The following TARM1 variants were observed in gnomAD, a reference collection of about 807,000 sequenced individuals.
TARM1 encodes the protein T cell-interacting, activating receptor on myeloid cells 1, also known as T-cell-interacting, activating receptor on myeloid cells protein 1.
Under a neutral mutation model 30.4 loss-of-function variants are expected in TARM1, and 24 were observed. That is an observed-to-expected ratio of 0.79 (90% confidence interval 0.57 to 1.11). The LOEUF (loss-of-function observed/expected upper bound fraction) is 1.11, where lower values mean the gene tolerates loss of function less well. Among genes scored for constraint, TARM1 ranks in the 50% least tolerant of loss-of-function variants. The pLI is 0.00. For synonymous variants in TARM1, 129 were observed against 138.9 expected (o/e 0.93, Z 0.50); for missense variants, 323 against 332.8 (o/e 0.97, Z 0.23).
At chr19:54,070,488 G>A (rs1345563016) in intron 4 of TARM1, among the ~76,000 whole-genome samples, 2 of 151,614 alleles carry the variant, frequency 1.3e-5, no homozygotes, top group African/African-American at 2.4e-5. Flanking sequence ...TTGAACTCCC[G>A]ACCTCAGGTG....
chr19:54,080,136 G>GAAAGAAAGAAAGAAAGAAAGAAAGAAAGA (rs2072074908), intron 1 of TARM1, among the ~76,000 whole-genome samples: 1 of 63,714 alleles, frequency 1.6e-5, no homozygotes, highest in East Asian at 6.7e-4. Flanking sequence ...AGGAAGGAAG[G>GAAAGAAAGAAAGAAAGAAAGAAAGAAAGA]AAGAAAGCAA....
chr19:54,071,468 G>A (rs965152673), intron 4 of TARM1, among the ~76,000 whole-genome samples: 3 of 152,132 alleles, frequency 2.0e-5, no homozygotes, highest in Non-Finnish European at 4.4e-5. Context: ...CCCGAATTCC[G>A]TGGCTGGATC....
chr19:54,075,885 T>C lies in TARM1; in HGVS notation c.68A>G (p.Asp23Gly). The change falls in exon 2 of 5, where the codon GAT becomes GGT. Residue 23 changes from aspartate to glycine, a missense_variant and splice_region_variant. Asp to Gly is a moderately conservative substitution (Grantham distance 94). Coordinates refer to ENST00000432826, the MANE Select transcript of TARM1 (RefSeq NM_001135686.3). Reference protein sequence around the residue: ...LCVGQGDTRGDGSLPKPSLSA... With the variant: ...LCVGQGDTRGGGSLPKPSLSA... Reference sequence around the variant, plus strand: ...GGTGTAGTTGAAGAAACACTCACCATCTCCCCTTGTGTCTCCTTGGCCCAC... The same window carrying C: ...GGTGTAGTTGAAGAAACACTCACCACCTCCCCTTGTGTCTCCTTGGCCCAC... 6.4e-7 allele frequency: 1 copy of C among 1,551,234 alleles called. No homozygotes were observed. Among genetic ancestry groups the C allele is most frequent in the Non-Finnish European group, 8.7e-7 (1 of 1,146,940 alleles).
chr19:54,078,620 T>G (rs2072019936), intron 1 of TARM1, among the ~76,000 whole-genome samples: 2 of 151,378 alleles, frequency 1.3e-5, no homozygotes, highest in African/African-American at 2.4e-5. Context: ...GTCAGGTCAT[T>G]GCAAAAAAAG....
intron 1 of TARM1, 83 bp downstream of exon 1, chr19:54,081,224 G>A: frequency 7.2e-7 from 1 of 1,380,480 alleles, no homozygotes. Flanking sequence ...CAAAGTTGAT[G>A]TTATTATTTC....
chr19:54,071,943 A>T (rs1296834797), intron 4 of TARM1, among the ~76,000 whole-genome samples: 1 of 152,130 alleles, frequency 6.6e-6, no homozygotes, highest in Non-Finnish European at 1.5e-5. Context: ...CTGTAATCCC[A>T]GCACTTTGGG....
intron 4 of TARM1, 47 bp from the exon 5 acceptor site, chr19:54,070,207 CCTT>C: frequency 6.6e-7 from 1 of 1,525,614 alleles, no homozygotes; most frequent in South Asian, 1.2e-5. Flanking sequence ...GGGTATCCCT[CCTT>C]CTCAAATGGC....
intron 1 of TARM1, among the ~76,000 whole-genome samples, chr19:54,078,731 G>T (rs1600212462): frequency 6.8e-6 from 1 of 147,388 alleles, no homozygotes; most frequent in Non-Finnish European, 1.5e-5. Context: ...TCGAACTCCT[G>T]GGCTCAAGCG....
intron 1 of TARM1, among the ~76,000 whole-genome samples, chr19:54,077,661 C>T (rs774135267): frequency 6.6e-5 from 10 of 151,204 alleles, no homozygotes. Flanking sequence ...GTTCAAACAA[C>T]GTAAGTGTCC....
chr19:54,070,823 G>C (rs1468991917), intron 4 of TARM1, among the ~76,000 whole-genome samples: 1 of 151,548 alleles, frequency 6.6e-6, no homozygotes. Flanking sequence ...TGTTGGTCAG[G>C]CTGGTCTCGA....
At chr19:54,079,216 A>G (rs904749918) in intron 1 of TARM1, among the ~76,000 whole-genome samples, 2 of 145,858 alleles carry the variant, frequency 1.4e-5, no homozygotes, top group Non-Finnish European at 3.0e-5. Flanking sequence ...GTGAGCTGAG[A>G]TTAGGCCACT....
chr19:54,074,309 G>A, intron 3 of TARM1, 93 bp from the exon 4 acceptor site: 2 of 1,210,188 alleles, frequency 1.7e-6, no homozygotes, highest in Non-Finnish European at 2.3e-6. Context: ...CGTGGAGTGT[G>A]GGAAATGAGA....
At chr19:54,075,747 T>G in intron 2 of TARM1, 136 bp downstream of exon 2, 3 of 958,922 alleles carry the variant, frequency 3.1e-6, no homozygotes, top group African/African-American at 1.7e-5. Flanking sequence ...AAGCCGAGAT[T>G]GCACCACCGC....
At chr19:54,072,537 T>G (rs2071837440) in intron 4 of TARM1, among the ~76,000 whole-genome samples, 1 of 151,738 alleles carries the variant, frequency 6.6e-6, no homozygotes, top group Non-Finnish European at 1.5e-5. Context: ...TGAAACTGGG[T>G]CTCACTATGT....
intron 1 of TARM1, among the ~76,000 whole-genome samples, chr19:54,078,704 T>C (rs887807179): frequency 2.0e-5 from 3 of 150,114 alleles, no homozygotes; most frequent in African/African-American, 7.3e-5. Flanking sequence ...GGTTTCACCA[T>C]GTTGCCCAGG....
chr19:54,073,847 A>C (rs1262251678), intron 4 of TARM1, 73 bp downstream of exon 4: 27 of 1,470,544 alleles, frequency 1.8e-5, no homozygotes, highest in Non-Finnish European at 2.5e-5. Flanking sequence ...AAGAAATGAG[A>C]TTCACAGAAG....
Position 54,074,995 on chromosome 19 carries a change from C to T in TARM1, c.190G>A (p.Gly64Arg). 3.2e-6 allele frequency: 5 copies of T among 1,551,536 alleles called. No homozygotes were observed. Among genetic ancestry groups the T allele is most frequent in the Non-Finnish European group, 3.5e-6 (4 of 1,146,974 alleles). Residue 64 changes from glycine to arginine, a missense_variant, in exon 3 of 5, where the codon GGA becomes AGA. By Grantham distance (125) the Gly-to-Arg change is moderately radical. Transcript: ENST00000432826. The stretch of plus-strand genomic sequence containing the variant: ...GGCTTCGGGGACTCCAGAATAATTC[C>T]TCCCTTCCTGAGAACAAAGCTCACA... ...RGVSFVLRKG[G>R]IILESPKPLD...
At position 54,075,807 on chromosome 19, in the gene TARM1, A is replaced by G; in HGVS notation, c.70+76T>C. 4 of 1,462,886 alleles carry G rather than the reference A, an allele frequency of 2.7e-6. No homozygotes were observed. The South Asian group carries it at 3.8e-5, about 14-fold the overall frequency. The allele number at this position is 1,462,886 out of a possible 1,614,324, so 90.6% of individuals were successfully genotyped here. A position where few individuals can be genotyped will look rare whatever the true frequency, so the allele number is the denominator to read the frequency against. On this transcript the variant is annotated intron_variant, in intron 2 of 4. Transcript: ENST00000432826. The stretch of plus-strand genomic sequence containing the variant: ...ACTCCGTCAAAAAAAAAAGAGAAAA[A>G]GAGGGGGAAGGGGAAGAGAACAGCA...
chr19:54,079,584 G>C (rs12460286), intron 1 of TARM1, among the ~76,000 whole-genome samples: 79,847 of 152,040 alleles, frequency 0.53, 22,804 homozygotes, highest in Non-Finnish European at 0.64. Flanking sequence ...CACCACAGTG[G>C]CTCACGCCTG....
Sources: gnomAD v4.1 joint callset for allele counts (sites outside exome capture counted in the v4.1 genomes callset) on GRCh38, gnomAD v4.1.1 for gene constraint, MANE v1.5 for transcripts, NCBI Gene and HGNC (gene_info 2026-07-23, HGNC 2026-07-21) for gene names.